The following TYW1 variants were observed in gnomAD, a reference collection of about 807,000 sequenced individuals.
The protein encoded by TYW1 is S-adenosyl-L-methionine-dependent tRNA 4-demethylwyosine synthase TYW1.
Under a neutral mutation model 96.2 loss-of-function variants are expected in TYW1, and 46 were observed. The observed-to-expected ratio is 0.48, with a 90% CI of 0.38 to 0.61. The LOEUF (loss-of-function observed/expected upper bound fraction) is 0.61. Among genes scored for constraint, TYW1 ranks in the 20% least tolerant of loss-of-function variants. TYW1 has a pLI of 0.00. For synonymous variants in TYW1, 274 were observed against 323.0 expected (o/e 0.85, Z 1.63); for missense variants, 684 against 909.6 (o/e 0.75, Z 3.19).
intron 11 of TYW1, among the ~76,000 whole-genome samples, chr7:67,091,426 AG>A (rs1796718030): frequency 2.4e-5 from 1 of 41,960 alleles, no homozygotes; most frequent in African/African-American, 9.7e-5. Flanking sequence ...GGTTGGGGGG[AG>A]GGGGGAGGGA....
chr7:67,135,147 A>T (rs989009682), intron 13 of TYW1, among the ~76,000 whole-genome samples: 1 of 151,848 alleles, frequency 6.6e-6, no homozygotes, highest in South Asian at 2.1e-4. Context: ...CAATGAATAC[A>T]TGCATATGTA....
At chr7:67,107,217 G>C (rs1398061835) in intron 12 of TYW1, among the ~76,000 whole-genome samples, 3 of 152,190 alleles carry the variant, frequency 2.0e-5, no homozygotes, top group African/African-American at 7.2e-5. Context: ...AATATTGCCT[G>C]ATTCTTTTAA....
At chr7:67,002,605 G>A (rs1376335755) in intron 3 of TYW1, among the ~76,000 whole-genome samples, 1 of 151,870 alleles carries the variant, frequency 6.6e-6, no homozygotes, top group East Asian at 1.9e-4. Context: ...TTTATGGGAA[G>A]GTGACTATTT....
rs920510781 is a variant in TYW1 at position 67,140,362 on chromosome 7, T to C, written c.1698+22744T>C. On this transcript the variant is annotated intron_variant, in intron 13 of 15. Transcript: ENST00000359626. ...ACTTACATAATGGTGTGTTTTGAGA[T>C]TGAATAATTCTGAAAAAAAAAAAGA... Among the ~76,000 whole-genome samples the C allele has an allele frequency of 2.7e-5, 4 of 149,304 alleles. No homozygotes were observed. In the Admixed American group the frequency reaches 2.7e-4, roughly 10 times the overall value.
chr7:67,222,612 T>C (rs1801429116), intron 15 of TYW1, among the ~76,000 whole-genome samples: 1 of 152,224 alleles, frequency 6.6e-6, no homozygotes, highest in Admixed American at 6.5e-5. Context: ...CAAGATTCTC[T>C]GTCTTTGACT....
At chr7:67,237,380 G>T (rs1258387066) in intron 15 of TYW1, among the ~76,000 whole-genome samples, 1 of 151,880 alleles carries the variant, frequency 6.6e-6, no homozygotes. Context: ...GGAGCCAGTA[G>T]TCCCAGCTAC....
intron 13 of TYW1, among the ~76,000 whole-genome samples, chr7:67,158,663 G>A (rs1004017551): frequency 2.0e-5 from 3 of 151,930 alleles, no homozygotes; most frequent in African/African-American, 4.8e-5. Context: ...TCCGCCTCCC[G>A]GGTTCATACC....
At chr7:67,039,471 AG>A (rs1794946543) in intron 7 of TYW1, among the ~76,000 whole-genome samples, 1 of 151,548 alleles carries the variant, frequency 6.6e-6, no homozygotes, top group Non-Finnish European at 1.5e-5. Context: ...AAAAAAAAAA[AG>A]AATGACAAGT....
chr7:67,220,141 T>G (rs13246453), intron 15 of TYW1, among the ~76,000 whole-genome samples: 21,410 of 147,992 alleles, frequency 0.14, 1,696 homozygotes, highest in African/African-American at 0.19. Flanking sequence ...TGGTAATATT[T>G]AGGGGTGTGT....
intron 13 of TYW1, among the ~76,000 whole-genome samples, chr7:67,123,960 A>G (rs567047407): frequency 2.0e-5 from 3 of 152,336 alleles, no homozygotes; most frequent in African/African-American, 7.2e-5. Flanking sequence ...GGGAGAGTAA[A>G]TAATAGATCT....
At chr7:67,035,941 T>C (rs1408887042) in intron 7 of TYW1, among the ~76,000 whole-genome samples, 1 of 151,142 alleles carries the variant, frequency 6.6e-6, no homozygotes, top group Non-Finnish European at 1.5e-5. Context: ...CCTCCCAAAG[T>C]GCTGGGATTA....
chr7:67,051,448 C>T (rs139579668), intron 8 of TYW1, among the ~76,000 whole-genome samples: 14 of 152,280 alleles, frequency 9.2e-5, no homozygotes, highest in Admixed American at 6.5e-4. Flanking sequence ...GCTGAGACTA[C>T]AGGTGTAAGC....
intron 13 of TYW1, among the ~76,000 whole-genome samples, chr7:67,125,080 A>G (rs965347143): frequency 1.3e-5 from 2 of 152,048 alleles, no homozygotes; most frequent in Admixed American, 1.3e-4. Context: ...TGATCCACCC[A>G]CCTTGCCCTC....
chr7:67,074,739 A>C (rs556703171), intron 10 of TYW1, among the ~76,000 whole-genome samples: 6 of 152,258 alleles, frequency 3.9e-5, no homozygotes, highest in Non-Finnish European at 7.4e-5. Flanking sequence ...TCTGAGCCTC[A>C]GTTTCTCAAC....
intron 13 of TYW1, among the ~76,000 whole-genome samples, chr7:67,148,667 G>A (rs528386050): frequency 8.4e-4 from 128 of 152,072 alleles, no homozygotes; most frequent in Non-Finnish European, 1.4e-3. Flanking sequence ...TCCTGACCTC[G>A]TTATCCGCCC....
intron 12 of TYW1, among the ~76,000 whole-genome samples, chr7:67,106,922 G>A (rs1028909276): frequency 2.6e-5 from 4 of 152,082 alleles, no homozygotes; most frequent in African/African-American, 4.8e-5. Context: ...CCCTGTGTAC[G>A]TTTACTTTCG....
At chr7:67,116,914 AGTTCCCCAAATGG>A (rs1345481797) in intron 12 of TYW1, among the ~76,000 whole-genome samples, 16 of 152,226 alleles carry the variant, frequency 1.1e-4, no homozygotes, top group African/African-American at 7.2e-5. Context: ...CACTACTTAA[AGTTCCCCAAATGG>A]GTCATTGTTT....
chr7:67,124,490 CA>C (rs1042580419), intron 13 of TYW1, among the ~76,000 whole-genome samples: 1 of 152,046 alleles, frequency 6.6e-6, no homozygotes, highest in Non-Finnish European at 1.5e-5. Flanking sequence ...CTTGGCCTCC[CA>C]AAATGCTGGA....
At chr7:67,069,714 G>T (rs1444526092) in intron 10 of TYW1, among the ~76,000 whole-genome samples, 1 of 152,126 alleles carries the variant, frequency 6.6e-6, no homozygotes, top group Non-Finnish European at 1.5e-5. Flanking sequence ...ACTCCAGCCT[G>T]GGTGGCAGAG....
Sources: gnomAD v4.1 joint callset for allele counts (sites outside exome capture counted in the v4.1 genomes callset) on GRCh38, gnomAD v4.1.1 for gene constraint, MANE v1.5 for transcripts, NCBI Gene and HGNC (gene_info 2026-07-23, HGNC 2026-07-21) for gene names.